RMND1: variants seen among roughly 807,000 people sequenced by gnomAD.
RMND1 encodes required for meiotic nuclear division 1 homolog.
In RMND1, 41 loss-of-function variants were observed where a neutral mutation model predicts 54.0. The observed-to-expected ratio is 0.76, with a 90% CI of 0.59 to 0.98. The LOEUF is 0.98. Ranked by LOEUF, RMND1 falls within the 50% of genes least tolerant of loss-of-function variation. The probability of loss-of-function intolerance (pLI) is 0.00; values close to 1 mark genes in which losing one functional copy is unlikely to be tolerated. For missense variants in RMND1, 457 were observed against 532.0 expected (o/e 0.86, Z 1.39); for synonymous variants, 183 against 181.7 (o/e 1.01, Z -0.06).
chr6:151,419,373 A>G (rs1183142096), intron 9 of RMND1, among the ~76,000 whole-genome samples: 1 of 151,884 alleles, frequency 6.6e-6, no homozygotes, highest in African/African-American at 2.4e-5. Context: ...CCTTACACTT[A>G]GATGTTTAAC....
chr6:151,438,379 A>C (rs1780674305), intron 2 of RMND1, among the ~76,000 whole-genome samples: 1 of 152,176 alleles, frequency 6.6e-6, no homozygotes, highest in South Asian at 2.1e-4. Context: ...TCATGTGCTT[A>C]GTTTGGGCTG....
chr6:151,432,499 G>A lies in RMND1; in HGVS notation c.689+656C>T, dbSNP rs76291029. 4.8e-3 allele frequency among the ~76,000 whole-genome samples: 719 copies of A among 150,780 alleles called. 17 individuals are homozygous for A. Among genetic ancestry groups the A allele is most frequent in the Admixed American group, 0.031 (465 of 15,120 alleles). On this transcript the variant is annotated intron_variant, in intron 4 of 11. Coordinates refer to ENST00000444024, the MANE Select transcript of RMND1 (RefSeq NM_017909.4). ...CAGATGGTCCATGTGTTTCTGTTCTGTCACGTATTAGTCTCATGACTATGG... is the reference window on the plus strand; with the variant it reads ...CAGATGGTCCATGTGTTTCTGTTCTATCACGTATTAGTCTCATGACTATGG...
At chr6:151,445,157 T>C (rs1780914762) in intron 2 of RMND1, 151 bp downstream of exon 2, 1 of 695,922 alleles carries the variant, frequency 1.4e-6, no homozygotes, top group Non-Finnish European at 2.3e-6. Flanking sequence ...TGAATCCCTT[T>C]GGATATTTAT....
intron 2 of RMND1, among the ~76,000 whole-genome samples, chr6:151,444,171 T>G (rs1780880310): frequency 1.3e-5 from 2 of 152,254 alleles, no homozygotes; most frequent in South Asian, 4.1e-4. Context: ...TGCACTGTGC[T>G]GCTAGACGTT....
At chr6:151,449,657 C>G (rs2114977739) in intron 1 of RMND1, among the ~76,000 whole-genome samples, 1 of 151,300 alleles carries the variant, frequency 6.6e-6, no homozygotes, top group African/African-American at 2.4e-5. Flanking sequence ...CTCTCCCTCT[C>G]CCCACGGTCC....
At chr6:151,443,203 C>T (rs950023923) in intron 2 of RMND1, among the ~76,000 whole-genome samples, 50 of 152,226 alleles carry the variant, frequency 3.3e-4, no homozygotes, top group African/African-American at 1.2e-3. Flanking sequence ...GTCTTTGGTC[C>T]TGGGGACATA....
chr6:151,436,657 C>T, intron 2 of RMND1, 103 bp from the exon 3 acceptor site: 1 of 1,121,506 alleles, frequency 8.9e-7, no homozygotes, highest in Non-Finnish European at 1.3e-6. Flanking sequence ...GCTAGAACTC[C>T]AGAATTTTCT....
chr6:151,407,630 G>A (rs530277100), intron 10 of RMND1, among the ~76,000 whole-genome samples: 5 of 152,234 alleles, frequency 3.3e-5, no homozygotes, highest in East Asian at 3.9e-4. Flanking sequence ...CCCTATGGCC[G>A]GGTGCAGTGG....
chr6:151,422,396 A>T, intron 8 of RMND1, 145 bp downstream of exon 8: 1 of 466,014 alleles, frequency 2.1e-6, no homozygotes, highest in Non-Finnish European at 3.9e-6. Flanking sequence ...GGATTTGGAC[A>T]CTGGTAGATT....
chr6:151,443,871 C>T (rs1296581892), intron 2 of RMND1, among the ~76,000 whole-genome samples: 4 of 152,196 alleles, frequency 2.6e-5, no homozygotes, highest in South Asian at 2.1e-4. Flanking sequence ...TTAATTACTG[C>T]GCTTCTCAAA....
chr6:151,435,842 A>C (rs1158945875), intron 3 of RMND1, among the ~76,000 whole-genome samples: 1 of 150,842 alleles, frequency 6.6e-6, no homozygotes. Flanking sequence ...TGGTGGCTCA[A>C]ACCTGTAATC....
intron 10 of RMND1, chr6:151,411,688 G>C (rs1298893558): frequency 1.3e-5 from 2 of 152,158 alleles, no homozygotes; most frequent in Non-Finnish European, 2.9e-5. Flanking sequence ...ATGCCACCCA[G>C]GTAAAAGATC....
intron 1 of RMND1, among the ~76,000 whole-genome samples, chr6:151,448,771 G>C (rs1781035847): frequency 1.3e-5 from 2 of 152,162 alleles, no homozygotes; most frequent in African/African-American, 4.8e-5. Context: ...TCTAGCTGTG[G>C]CTTCACGGTT....
At chr6:151,436,389 T>C in intron 3 of RMND1, 57 bp downstream of exon 3, 1 of 1,601,782 alleles carries the variant, frequency 6.2e-7, no homozygotes, top group Non-Finnish European at 8.5e-7. Context: ...GATAGTATCA[T>C]AGGAAAATTA....
At chr6:151,447,189 G>C (rs1230332709) in intron 1 of RMND1, among the ~76,000 whole-genome samples, 1 of 152,174 alleles carries the variant, frequency 6.6e-6, no homozygotes, top group Non-Finnish European at 1.5e-5. Context: ...GTAGGAGTGA[G>C]CTGCAGGAGG....
chr6:151,415,202 A>C (rs1779966133), intron 10 of RMND1, among the ~76,000 whole-genome samples: 1 of 152,176 alleles, frequency 6.6e-6, no homozygotes. Flanking sequence ...TATCTGATGA[A>C]GTTTTCTATG....
At chr6:151,410,181 A>T (rs1779776148) in intron 10 of RMND1, among the ~76,000 whole-genome samples, 1 of 151,576 alleles carries the variant, frequency 6.6e-6, no homozygotes, top group African/African-American at 2.4e-5. Flanking sequence ...CAGCCTCCCG[A>T]GTAGCTGGGA....
rs1235275782 is a variant in RMND1 at position 151,405,038 on chromosome 6, T to C, written c.*197A>G. ...CGTGTGCCAACACACCTGGCTAATT[T>C]TGGTATTTTTAGTAGAGATGGGGTT... is the stretch of plus-strand genomic sequence containing the variant. On this transcript the variant is annotated 3_prime_UTR_variant, in exon 12 of 12. Transcript: ENST00000444024. The C allele has an allele frequency of 1.6e-5, 8 of 506,764 alleles. No homozygotes were observed. The South Asian group carries it at 1.6e-4, about 10-fold the overall frequency. The allele number at this position is 506,764 out of a possible 1,614,324, so 31.4% of individuals were successfully genotyped here.
chr6:151,421,346 C>T (rs772016695), intron 8 of RMND1, 25 bp from the exon 9 acceptor site: 1 of 1,548,444 alleles, frequency 6.5e-7, no homozygotes, highest in South Asian at 1.2e-5. Flanking sequence ...ATCGGAAAAA[C>T]CAAAAAACCA....
Sources: gnomAD v4.1 joint callset for allele counts (sites outside exome capture counted in the v4.1 genomes callset) on GRCh38, gnomAD v4.1.1 for gene constraint, MANE v1.5 for transcripts, NCBI Gene and HGNC (gene_info 2026-07-23, HGNC 2026-07-21) for gene names.